ATP13A5: variants seen among roughly 807,000 people sequenced by gnomAD.
The protein encoded by ATP13A5 is probable cation-transporting ATPase 13A5.
A neutral mutation model predicts 150.2 loss-of-function variants in ATP13A5; 149 were observed. That is an observed-to-expected ratio of 0.99 (90% CI 0.87 to 1.14). The LOEUF is 1.14. Among genes scored for constraint, ATP13A5 ranks in the 50% most tolerant of loss-of-function variants. The pLI, the probability that ATP13A5 is intolerant of heterozygous loss-of-function variation, is 0.00. For missense variants in ATP13A5, 1,383 were observed against 1,449.3 expected (o/e 0.95, Z 0.74); for synonymous variants, 497 against 522.2 (o/e 0.95, Z 0.66).
rs1560151960 is a variant in ATP13A5, at chr3:193,364,204, A to T, written c.140T>A (p.Leu47His). The T allele has an allele frequency of 1.2e-6, 2 of 1,614,144 alleles. No homozygotes were observed. Among genetic ancestry groups the T allele is most frequent in the Non-Finnish European group, 1.7e-6 (2 of 1,179,992 alleles). ...LVASVLTCGG[L>H]LLVFYWRPQW... ...GGGTCTCCAGTAGAACACCAGCAGA[A>T]GGCCCCCACAGGTCAGCACGGATGC... is the stretch of plus-strand genomic sequence containing the variant. Residue 47 changes from leucine (L) to histidine (H), a missense_variant, in exon 2 of 30, where the codon CTT (leucine) becomes CAT (histidine). By Grantham distance (99) the Leu-to-His change is moderately conservative. This residue lies in a region of ATP13A5 where 787 missense variants were observed against 771.9 expected (regional missense o/e 1.02). Transcript: ENST00000342358.
chr3:193,301,455 T>C, intron 23 of ATP13A5, 148 bp from the exon 24 acceptor site: 1 of 617,394 alleles, frequency 1.6e-6, no homozygotes, highest in East Asian at 2.8e-5. Flanking sequence ...ATTTAACCAC[T>C]CATTCATTCA....
intron 16 of ATP13A5, among the ~76,000 whole-genome samples, chr3:193,319,727 C>G (rs1454504430): frequency 6.6e-6 from 1 of 151,978 alleles, no homozygotes. Context: ...GACTGGGGTA[C>G]TTGGATAAAA....
chr3:193,327,162 G>T, intron 12 of ATP13A5, 105 bp from the exon 13 acceptor site: 1 of 991,076 alleles, frequency 1.0e-6, no homozygotes, highest in Non-Finnish European at 1.5e-6. Flanking sequence ...AGATCCAGTA[G>T]TCTAAATACC....
At position 193,340,751 on chromosome 3, in the gene ATP13A5, A is replaced by G. The variant is rs140550227; in HGVS notation, c.943+3176T>C. 3.3e-5 allele frequency among the ~76,000 whole-genome samples: 5 copies of G among 152,344 alleles called. No individual in the cohort carries two copies. The East Asian group carries it at 7.7e-4, about 23-fold the overall frequency. On this transcript the variant is annotated intron_variant, in intron 9 of 29. Transcript: ENST00000342358. ...GGCATTAAATTTATTTATTAAGACA[A>G]TAGAAGTCTTCTGTTTTCTTCATAT... is the stretch of plus-strand genomic sequence containing the variant.
intron 27 of ATP13A5, among the ~76,000 whole-genome samples, chr3:193,282,268 TATTC>T (rs1298144543): frequency 1.3e-5 from 2 of 152,208 alleles, no homozygotes; most frequent in African/African-American, 2.4e-5. Flanking sequence ...TTTTAAAAAT[TATTC>T]ATGTATAACA....
At chr3:193,333,238 A>G (rs147641352) in intron 11 of ATP13A5, among the ~76,000 whole-genome samples, 21 of 151,896 alleles carry the variant, frequency 1.4e-4, no homozygotes, top group African/African-American at 5.1e-4. Flanking sequence ...TAAGCCACTC[A>G]CAGTTTTTCA....
chr3:193,367,090 T>G (rs1261369055), intron 1 of ATP13A5, among the ~76,000 whole-genome samples: 1 of 151,906 alleles, frequency 6.6e-6, no homozygotes, highest in Non-Finnish European at 1.5e-5. Context: ...CAAATCTTAG[T>G]AAAGAGAAAA....
intron 23 of ATP13A5, among the ~76,000 whole-genome samples, chr3:193,303,494 ACACT>A (rs758122740): frequency 7.9e-5 from 12 of 152,196 alleles, no homozygotes; most frequent in South Asian, 2.1e-4. Context: ...TGCATGAGAG[ACACT>A]CAATAAATAA....
chr3:193,315,140 G>T, intron 17 of ATP13A5, 44 bp from the exon 18 acceptor site: 1 of 1,560,144 alleles, frequency 6.4e-7, no homozygotes, highest in South Asian at 1.2e-5. Flanking sequence ...TATCTACGTA[G>T]GCTCCATAGT....
In ATP13A5 at chr3:193,333,805, G is replaced by A. The variant is rs1468847477; in HGVS notation, c.1217C>T (p.Ala406Val). ...SDAFKFIVFL[A>V]CLGVMGFFYA... ...GAAAAAACCCATGACACCAAGGCAG[G>A]CCAGGAACACGATGAACTTGAAGGC... Residue 406 changes from alanine (A) to valine (V), a missense_variant, in exon 11 of 30, where the codon GCC becomes GTC. Ala to Val is a moderately conservative substitution (Grantham distance 64). This residue lies in a region of ATP13A5 where 787 missense variants were observed against 771.9 expected (regional missense o/e 1.02). Coordinates refer to ENST00000342358, the MANE Select transcript of ATP13A5 (RefSeq NM_198505.4). 14 of 1,613,824 alleles carry A rather than the reference G, an allele frequency of 8.7e-6. 1 individual carries two copies. The Admixed American group carries it at 2.0e-4, about 23-fold the overall frequency.
rs1022231450 is a variant in ATP13A5 at position 193,290,030 on chromosome 3, C to T, written c.2878G>A (p.Ala960Thr). ...AGCTGTCCTGCTGGTCTATATGGAG[C>T]CAGCTTTGGGTAGGCATGAGTTGAA... ...MSSTHAYPKL[A>T]PYRPAGQLLS... Residue 960 changes from alanine (A) to threonine (T), a missense_variant, in exon 26 of 30, where the codon GCT becomes ACT. By Grantham distance (58) the Ala-to-Thr change is moderately conservative (BLOSUM62 0). Transcript: ENST00000342358. The T allele has an allele frequency of 6.2e-7, 1 of 1,610,240 alleles. No homozygotes were observed. The highest frequency in any genetic ancestry group is 1.3e-5 in the African/African-American group (1 of 74,816).
intron 7 of ATP13A5, 100 bp from the exon 8 acceptor site, chr3:193,345,175 G>A (rs1712288841): frequency 2.6e-6 from 3 of 1,137,498 alleles, no homozygotes; most frequent in African/African-American, 1.5e-5. Flanking sequence ...CACAGCTAAA[G>A]TGACTCTGGG....
At chr3:193,324,300 G>A (rs181194415) in intron 14 of ATP13A5, among the ~76,000 whole-genome samples, 17 of 152,110 alleles carry the variant, frequency 1.1e-4, no homozygotes, top group Admixed American at 5.9e-4. Context: ...ATACACAGTC[G>A]CCACCAGCCA....
chr3:193,368,645 T>G (rs1713335268), intron 1 of ATP13A5, among the ~76,000 whole-genome samples: 2 of 152,136 alleles, frequency 1.3e-5, no homozygotes, highest in Admixed American at 1.3e-4. Flanking sequence ...TTTCTTCACT[T>G]GCAAGAAAGG....
At chr3:193,363,575 C>T (rs572011512) in intron 2 of ATP13A5, among the ~76,000 whole-genome samples, 193 bp from the exon 3 acceptor site, 2 of 152,172 alleles carry the variant, frequency 1.3e-5, no homozygotes, top group African/African-American at 2.4e-5. Flanking sequence ...GTGGGGCCAG[C>T]ATCCTTGTTT....
At chr3:193,323,106 A>C (rs1719342918) in intron 14 of ATP13A5, 1 of 152,744 alleles carries the variant, frequency 6.5e-6, no homozygotes, top group African/African-American at 2.4e-5. Flanking sequence ...ACCTCTGAGA[A>C]GCCAATATTA....
At chr3:193,345,290 C>G (rs1445426684) in intron 7 of ATP13A5, among the ~76,000 whole-genome samples, 1 of 152,126 alleles carries the variant, frequency 6.6e-6, no homozygotes, top group Non-Finnish European at 1.5e-5. Flanking sequence ...TTAATGCTAT[C>G]TCACTCCCAA....
chr3:193,305,741 G>T, intron 22 of ATP13A5, 73 bp from the exon 23 acceptor site: 1 of 1,225,864 alleles, frequency 8.2e-7, no homozygotes, highest in South Asian at 1.2e-5. Flanking sequence ...CCAAGAGGCT[G>T]TTCTTCACAT....
At chr3:193,309,214 C>T (rs917298451) in intron 21 of ATP13A5, among the ~76,000 whole-genome samples, 1 of 152,204 alleles carries the variant, frequency 6.6e-6, no homozygotes, top group Non-Finnish European at 1.5e-5. Context: ...AGGACTTTCT[C>T]TTGACTTTCC....
Sources: gnomAD v4.1 joint callset for allele counts (sites outside exome capture counted in the v4.1 genomes callset) on GRCh38, gnomAD v4.1.1 for gene constraint, gnomAD v4.1.1 regional missense constraint, MANE v1.5 for transcripts, NCBI Gene and HGNC (gene_info 2026-07-23, HGNC 2026-07-21) for gene names.